Variants in STK38L observed in about 807,000 individuals in gnomAD.
STK38L encodes the protein serine/threonine kinase 38 like.
STK38L carries 28 observed loss-of-function variants against 59.7 expected under a neutral mutation model. The observed-to-expected ratio is 0.47, with a 90% CI of 0.35 to 0.64. The LOEUF (loss-of-function observed/expected upper bound fraction) is 0.64. Ranked by LOEUF, STK38L falls within the 30% of genes least tolerant of loss-of-function variation. The pLI is 0.01. For synonymous variants in STK38L, 162 were observed against 176.8 expected (o/e 0.92, Z 0.66); for missense variants, 314 against 555.8 (o/e 0.56, Z 4.37).
At chr12:27,314,864 A>G in intron 7 of STK38L, 151 bp from the exon 8 acceptor site, 1 of 855,640 alleles carries the variant, frequency 1.2e-6, no homozygotes, top group South Asian at 2.0e-5. Flanking sequence ...ACTTTTAAAA[A>G]TCATCATCAG....
chr12:27,313,152 G>C (rs59943211), intron 6 of STK38L, among the ~76,000 whole-genome samples: 1 of 151,858 alleles, frequency 6.6e-6, no homozygotes, highest in African/African-American at 2.4e-5. Flanking sequence ...GGAGGCTGAG[G>C]CAGGAGAATG....
rs1351087936 is a variant in STK38L, at chr12:27,323,384, A to G, written c.*929A>G. On this transcript the variant is annotated 3_prime_UTR_variant, in exon 14 of 14. Transcript: ENST00000389032. ...CTATTTTTTTAAATGTCAAACTTCT[A>G]TCATGTAAATGGACTTATAGAGAAC... 1.3e-5 allele frequency: 2 copies of G among 152,600 alleles called. No homozygotes were observed. Among genetic ancestry groups the G allele is most frequent in the African/African-American group, 4.8e-5 (2 of 41,444 alleles). 9.5% of individuals were successfully genotyped at this position (152,600 alleles called of 1,614,324 possible).
chr12:27,270,071 T>C (rs1442179451), intron 1 of STK38L, among the ~76,000 whole-genome samples: 1 of 152,236 alleles, frequency 6.6e-6, no homozygotes, highest in Non-Finnish European at 1.5e-5. Flanking sequence ...TGATTGTAGA[T>C]GCATTTGTCT....
At chr12:27,257,406 C>A (rs1026649651) in intron 1 of STK38L, among the ~76,000 whole-genome samples, 2 of 152,190 alleles carry the variant, frequency 1.3e-5, no homozygotes, top group South Asian at 4.1e-4. Context: ...TCCTGCTCTG[C>A]CCCCACTACC....
intron 1 of STK38L, among the ~76,000 whole-genome samples, chr12:27,259,039 A>G (rs1276981183): frequency 6.6e-6 from 1 of 152,342 alleles, no homozygotes; most frequent in Non-Finnish European, 1.5e-5. Context: ...GATTTGTCTT[A>G]TAGCTTTGCC....
At chr12:27,266,361 A>G (rs1943300966) in intron 1 of STK38L, among the ~76,000 whole-genome samples, 1 of 152,234 alleles carries the variant, frequency 6.6e-6, no homozygotes, top group Admixed American at 6.5e-5. Context: ...GGGGAAGTCT[A>G]GTGGAAAAAC....
chr12:27,276,634 T>A (rs765928825), intron 1 of STK38L, among the ~76,000 whole-genome samples: 2 of 152,236 alleles, frequency 1.3e-5, no homozygotes, highest in Non-Finnish European at 2.9e-5. Context: ...ATGTATAAGG[T>A]TAAATAGTTT....
intron 2 of STK38L, chr12:27,298,055 T>G (rs1328662925): frequency 1.8e-6 from 1 of 568,744 alleles, no homozygotes; most frequent in Non-Finnish European, 3.0e-6. Flanking sequence ...GTCTTGTGCA[T>G]CTATATACCC....
chr12:27,247,162 T>C lies in STK38L; in HGVS notation c.-12+2830T>C, dbSNP rs138082691. 1.4e-3 allele frequency among the ~76,000 whole-genome samples: 213 copies of C among 152,330 alleles called. 1 individual carries two copies. The highest frequency in any genetic ancestry group is 4.9e-3 in the African/African-American group (204 of 41,584). ...TGCTTCCTGCTAAATCCTTTACATA[T>C]ATTACTTACTTGCCTGGCTTTAATC... On this transcript the variant is annotated intron_variant, in intron 1 of 13. Coordinates refer to ENST00000389032, the MANE Select transcript of STK38L (RefSeq NM_015000.4).
chr12:27,281,472 C>G (rs1439575058), intron 1 of STK38L, among the ~76,000 whole-genome samples: 1 of 152,168 alleles, frequency 6.6e-6, no homozygotes, highest in Non-Finnish European at 1.5e-5. Context: ...GGGTTCACAT[C>G]CCTGCTCTGA....
intron 12 of STK38L, among the ~76,000 whole-genome samples, chr12:27,320,398 C>G (rs1027617262): frequency 1.3e-5 from 2 of 151,112 alleles, no homozygotes; most frequent in African/African-American, 4.9e-5. Context: ...CCGCAAGTAG[C>G]TGGAACTATA....
chr12:27,253,263 C>T (rs548446990), intron 1 of STK38L, among the ~76,000 whole-genome samples: 1 of 152,312 alleles, frequency 6.6e-6, no homozygotes, highest in African/African-American at 2.4e-5. Context: ...TACTTCACCA[C>T]CTGTTCAACT....
chr12:27,317,750 G>T (rs376103021), intron 10 of STK38L, 146 bp from the exon 11 acceptor site: 22 of 986,634 alleles, frequency 2.2e-5, no homozygotes, highest in African/African-American at 8.1e-5. Context: ...TATTAGCAAC[G>T]TGATTGTAAA....
At chr12:27,272,310 T>C (rs1485599877) in intron 1 of STK38L, among the ~76,000 whole-genome samples, 1 of 152,230 alleles carries the variant, frequency 6.6e-6, no homozygotes, top group African/African-American at 2.4e-5. Context: ...AATGACCATG[T>C]ATAGGAAAGA....
chr12:27,245,317 A>G (rs1199058195), intron 1 of STK38L, among the ~76,000 whole-genome samples: 3 of 152,176 alleles, frequency 2.0e-5, no homozygotes, highest in African/African-American at 4.8e-5. Context: ...CTTAATCGGA[A>G]ATGGCCTATT....
chr12:27,250,625 A>G (rs1942951466), intron 1 of STK38L, among the ~76,000 whole-genome samples: 1 of 152,108 alleles, frequency 6.6e-6, no homozygotes, highest in Non-Finnish European at 1.5e-5. Context: ...ATCTCTACCT[A>G]CAAATGAGGA....
In STK38L at chr12:27,308,505, T is replaced by A; in HGVS notation, c.309+44T>A. The A allele has an allele frequency of 6.8e-7, 1 of 1,461,328 alleles. No individual in the cohort carries two copies. 90.5% of individuals were successfully genotyped at this position (1,461,328 alleles called of 1,614,324 possible). On this transcript the variant is annotated intron_variant, in intron 4 of 13. Transcript: ENST00000389032. The surrounding 1 kb of genome is among the most constrained non-coding windows in gnomAD (Gnocchi z 4.5). ...GTCACTACTGCTGCAAATATATATCTTAAGATAATTTAAAATATGTGTTAA... is the reference window on the plus strand; with the variant it reads ...GTCACTACTGCTGCAAATATATATCATAAGATAATTTAAAATATGTGTTAA...
In STK38L at chr12:27,324,729, TTTC is replaced by T. The variant is rs1457381892; in HGVS notation, c.*2277_*2279del. 6.6e-6 allele frequency: 1 copy of T among 152,098 alleles called. No individual in the cohort carries two copies. The highest frequency in any genetic ancestry group is 1.5e-5 in the Non-Finnish European group (1 of 67,954). The allele number at this position is 152,098 out of a possible 1,614,324, so 9.4% of individuals were successfully genotyped here. On this transcript the variant is annotated 3_prime_UTR_variant, in exon 14 of 14. Transcript: ENST00000389032. ...TGGGGTTTTCTCCTCATCAAAAGCATTTCTTAAGTGCCTATCTAAAAGCAATTA... is the reference window on the plus strand; with the variant it reads ...TGGGGTTTTCTCCTCATCAAAAGCATTTAAGTGCCTATCTAAAAGCAATTA...
At chr12:27,263,798 T>C (rs544133189) in intron 1 of STK38L, among the ~76,000 whole-genome samples, 1 of 152,330 alleles carries the variant, frequency 6.6e-6, no homozygotes, top group South Asian at 2.1e-4. Context: ...TGGAATTTAA[T>C]AGAAGATGAC....
Sources: allele counts gnomAD v4.1 joint callset (sites outside exome capture counted in the v4.1 genomes callset), GRCh38; gene constraint gnomAD v4.1.1; non-coding constraint Gnocchi (gnomAD v3.1); transcripts MANE v1.5; gene names NCBI Gene and HGNC (gene_info 2026-07-23, HGNC 2026-07-21).